MEI4: variants seen among roughly 807,000 people sequenced by gnomAD.
The protein encoded by MEI4 is meiosis-specific protein MEI4.
Under a neutral mutation model 31.4 loss-of-function variants are expected in MEI4, and 27 were observed. The observed-to-expected ratio is 0.86, with a 90% confidence interval of 0.63 to 1.19. The LOEUF is 1.19. MEI4 is among the 50% of genes most tolerant of loss of function. The probability of loss-of-function intolerance (pLI) is 0.00; values close to 1 mark genes in which losing one functional copy is unlikely to be tolerated. For missense variants in MEI4, 329 were observed against 398.9 expected, an observed-to-expected ratio of 0.82 and a Z score of 1.49; for synonymous variants, 122 against 145.4, an observed-to-expected ratio of 0.84 and a Z score of 1.16.
At chr6:77,804,459 TC>T (rs1444117000) in intron 3 of MEI4, among the ~76,000 whole-genome samples, 1 of 152,154 alleles carries the variant, frequency 6.6e-6, no homozygotes, top group Non-Finnish European at 1.5e-5. Flanking sequence ...GCACCCACTG[TC>T]CTGCACCCAC....
At chr6:77,713,363 T>G (rs1389706918) in intron 2 of MEI4, among the ~76,000 whole-genome samples, 1 of 152,198 alleles carries the variant, frequency 6.6e-6, no homozygotes, top group Admixed American at 6.5e-5. Flanking sequence ...CAGAAGAACC[T>G]AAGAATTTTT....
chr6:77,872,992 TG>T (rs1262870059), intron 4 of MEI4, among the ~76,000 whole-genome samples: 99 of 151,772 alleles, frequency 6.5e-4, no homozygotes, highest in African/African-American at 2.4e-3. Flanking sequence ...GTTGGACATT[TG>T]GGTTGGTTCC....
intron 4 of MEI4, among the ~76,000 whole-genome samples, chr6:77,837,672 C>A (rs1032515383): frequency 6.6e-5 from 10 of 152,098 alleles, no homozygotes; most frequent in Non-Finnish European, 1.0e-4. Context: ...CTATCTTGAT[C>A]TTTACATAAA....
At chr6:77,829,717 C>A (rs1422930518) in intron 4 of MEI4, among the ~76,000 whole-genome samples, 5 of 152,052 alleles carry the variant, frequency 3.3e-5, no homozygotes, top group African/African-American at 1.2e-4. Flanking sequence ...ACATGTATTC[C>A]ATTTGACAGC....
At chr6:77,702,943 C>T (rs1424111356) in intron 2 of MEI4, among the ~76,000 whole-genome samples, 4 of 152,204 alleles carry the variant, frequency 2.6e-5, no homozygotes, top group Non-Finnish European at 5.9e-5. Context: ...TTCGATACCA[C>T]TTTTGTCTTC....
At chr6:77,749,563 T>G (rs1207351975) in intron 2 of MEI4, among the ~76,000 whole-genome samples, 1 of 151,702 alleles carries the variant, frequency 6.6e-6, no homozygotes, top group Non-Finnish European at 1.5e-5. Flanking sequence ...AAAACAAGAT[T>G]AGAGAAAAAA....
intron 4 of MEI4, among the ~76,000 whole-genome samples, chr6:77,882,801 A>C (rs1199494423): frequency 6.6e-6 from 1 of 152,192 alleles, no homozygotes; most frequent in Non-Finnish European, 1.5e-5. Flanking sequence ...TGTCATTTTT[A>C]TATCAAATCC....
chr6:77,756,981 C>G (rs1026337436), intron 2 of MEI4, among the ~76,000 whole-genome samples: 3 of 152,122 alleles, frequency 2.0e-5, no homozygotes, highest in African/African-American at 7.2e-5. Context: ...AATCAATGAA[C>G]ACTATAATGG....
chr6:77,724,699 C>T (rs942749186), intron 2 of MEI4, among the ~76,000 whole-genome samples: 2,677 of 144,924 alleles, frequency 0.018, 5 homozygotes, highest in African/African-American at 0.07. Context: ...GTTACAGGCA[C>T]CTGACCTGCT....
At chr6:77,861,508 CA>C (rs1770866649) in intron 4 of MEI4, among the ~76,000 whole-genome samples, 1 of 152,074 alleles carries the variant, frequency 6.6e-6, no homozygotes, top group Non-Finnish European at 1.5e-5. Flanking sequence ...AAAAATCAGG[CA>C]TTTAATAAGA....
At chr6:77,900,910 G>C (rs1581963402) in intron 4 of MEI4, among the ~76,000 whole-genome samples, 1 of 151,896 alleles carries the variant, frequency 6.6e-6, no homozygotes, top group East Asian at 1.9e-4. Flanking sequence ...TTTAGTCTCT[G>C]CTACTATGAG....
At chr6:77,823,931 G>C (rs1031407079) in intron 3 of MEI4, among the ~76,000 whole-genome samples, 1 of 152,136 alleles carries the variant, frequency 6.6e-6, no homozygotes, top group Non-Finnish European at 1.5e-5. Flanking sequence ...CAGTGTAATA[G>C]TTATGTTTCC....
intron 3 of MEI4, among the ~76,000 whole-genome samples, chr6:77,778,790 C>T (rs759819097): frequency 6.6e-6 from 1 of 151,962 alleles, no homozygotes; most frequent in Non-Finnish European, 1.5e-5. Flanking sequence ...AAGGATTTGA[C>T]ATGGAGAAAT....
At chr6:77,884,251 T>C (rs1219000722) in intron 4 of MEI4, among the ~76,000 whole-genome samples, 1 of 152,200 alleles carries the variant, frequency 6.6e-6, no homozygotes, top group Non-Finnish European at 1.5e-5. Flanking sequence ...TTCTGGATAT[T>C]AGTTCCTTGT....
chr6:77,744,063 TCTC>T (rs1429647860), intron 2 of MEI4, among the ~76,000 whole-genome samples: 1 of 151,922 alleles, frequency 6.6e-6, no homozygotes, highest in Non-Finnish European at 1.5e-5. Flanking sequence ...GCAGAGCACC[TCTC>T]CTCCTCCAAA....
At chr6:77,697,707 C>T (rs1163137617) in intron 2 of MEI4, among the ~76,000 whole-genome samples, 2 of 152,170 alleles carry the variant, frequency 1.3e-5, no homozygotes, top group African/African-American at 2.4e-5. Flanking sequence ...AATTTTGGAA[C>T]AGGTGTGGTG....
chr6:77,659,439 G>C (rs1005029916), intron 1 of MEI4, among the ~76,000 whole-genome samples: 2 of 152,186 alleles, frequency 1.3e-5, no homozygotes, highest in African/African-American at 4.8e-5. Context: ...CTTGTACCCA[G>C]ATTCCTAGGG....
At chr6:77,849,278 A>T (rs943216248) in intron 4 of MEI4, among the ~76,000 whole-genome samples, 3 of 152,180 alleles carry the variant, frequency 2.0e-5, no homozygotes, top group African/African-American at 4.8e-5. Context: ...TTTAAGATAA[A>T]AGAAGTTTGT....
chr6:77,707,501 A>G (rs1766359093), intron 2 of MEI4, among the ~76,000 whole-genome samples: 1 of 152,230 alleles, frequency 6.6e-6, no homozygotes, highest in African/African-American at 2.4e-5. Context: ...GAGTTAGACA[A>G]GGAAAGAGCG....
Sources: allele counts gnomAD v4.1 joint callset (sites outside exome capture counted in the v4.1 genomes callset), GRCh38; gene constraint gnomAD v4.1.1; transcripts MANE v1.5; gene names NCBI Gene and HGNC (gene_info 2026-07-23, HGNC 2026-07-21).